The following ROBO2 variants were observed in gnomAD, a reference collection of about 807,000 sequenced individuals.
The protein encoded by ROBO2 is roundabout guidance receptor 2.
A neutral mutation model predicts 160.8 loss-of-function variants in ROBO2; 53 were observed. The observed-to-expected ratio is 0.33, with a 90% confidence interval of 0.26 to 0.41. ROBO2 has a LOEUF of 0.41. Among genes scored for constraint, ROBO2 ranks in the 10% least tolerant of loss-of-function variants. The probability of loss-of-function intolerance (pLI) is 1.00; values close to 1 mark genes in which losing one functional copy is unlikely to be tolerated. For synonymous variants in ROBO2, 664 were observed against 611.7 expected (o/e 1.09, Z -1.26); for missense variants, 1,577 against 1,722.4 (o/e 0.92, Z 1.49).
chr3:76,406,198 C>A lies in ROBO2; in HGVS notation c.109+468596C>A, dbSNP rs75926724. On this transcript the variant is annotated intron_variant, in intron 2 of 26. Coordinates refer to the ROBO2 transcript ENST00000487694. The stretch of plus-strand genomic sequence containing the variant: ...TTTTCCCTTTATTGTCAAGTTAGCA[C>A]CATATGAATTTTACTCTCAGTAAAA... Among the ~76,000 whole-genome samples, 66 of 151,756 alleles carry A rather than the reference C, an allele frequency of 4.3e-4. No homozygotes were observed. In the East Asian group the frequency reaches 9.1e-3, roughly 21 times the overall value.
At chr3:76,623,097 G>A (rs1337271154) in intron 2 of ROBO2, among the ~76,000 whole-genome samples, 1 of 151,938 alleles carries the variant, frequency 6.6e-6, no homozygotes, top group African/African-American at 2.4e-5. Context: ...AAGTAGTTAT[G>A]GCTTTTTCTA....
intron 2 of ROBO2, among the ~76,000 whole-genome samples, chr3:76,179,999 C>T (rs1878206): frequency 0.023 from 3,471 of 152,128 alleles, 233 homozygotes; most frequent in East Asian, 0.23. Flanking sequence ...TTATTTCGTC[C>T]GTGCCATTGC....
At chr3:76,676,382 G>A (rs971382446) in intron 2 of ROBO2, among the ~76,000 whole-genome samples, 1 of 150,924 alleles carries the variant, frequency 6.6e-6, no homozygotes, top group Admixed American at 6.6e-5. Context: ...AGTTTTCTGA[G>A]GCCTCCCTAG....
intron 2 of ROBO2, among the ~76,000 whole-genome samples, chr3:76,696,495 C>G (rs75186357): frequency 1.3e-5 from 2 of 151,822 alleles, no homozygotes; most frequent in African/African-American, 4.8e-5. Context: ...GTTTATATCC[C>G]GATCATTTAA....
At chr3:76,579,582 T>C (rs2085521053) in intron 2 of ROBO2, among the ~76,000 whole-genome samples, 1 of 151,742 alleles carries the variant, frequency 6.6e-6, no homozygotes, top group African/African-American at 2.4e-5. Context: ...TGAGAAAGAG[T>C]GAGATTTTAT....
chr3:77,013,861 C>A (rs1356917210), intron 2 of ROBO2, among the ~76,000 whole-genome samples: 2 of 152,204 alleles, frequency 1.3e-5, no homozygotes, highest in Non-Finnish European at 2.9e-5. Context: ...GATACACTTT[C>A]GTTTCTCCAT....
rs112268736 is a variant in ROBO2 at position 77,228,678 on chromosome 3, G to A, written c.388+130338G>A. ...GGTGCAGCAAACCAACATGGCACAT[G>A]TATACCTATGTAACAAACCTGCACG... On this transcript the variant is annotated intron_variant, in intron 2 of 25. Coordinates refer to ENST00000461745, the Ensembl canonical transcript of ROBO2. Among the ~76,000 whole-genome samples, 790 of 152,000 alleles carry A rather than the reference G, an allele frequency of 5.2e-3. 2 individuals are homozygous for A. Among genetic ancestry groups the A allele is most frequent in the Non-Finnish European group, 9.6e-3 (654 of 67,974 alleles).
At chr3:77,117,067 G>A (rs1334928139) in intron 2 of ROBO2, among the ~76,000 whole-genome samples, 2 of 152,248 alleles carry the variant, frequency 1.3e-5, no homozygotes, top group African/African-American at 4.8e-5. Flanking sequence ...CTATACTTGA[G>A]AATCTAAAAG....
At chr3:76,211,095 A>T (rs1703117831) in intron 2 of ROBO2, among the ~76,000 whole-genome samples, 1 of 152,004 alleles carries the variant, frequency 6.6e-6, no homozygotes, top group South Asian at 2.1e-4. Flanking sequence ...TTCCATCCAC[A>T]GTTATTTACT....
rs1049104782 is a variant in ROBO2 at position 76,279,243 on chromosome 3, A to G, written c.109+341641A>G. Among the ~76,000 whole-genome samples, 8 of 151,702 alleles carry G rather than the reference A, an allele frequency of 5.3e-5. No homozygotes were observed. In the Admixed American group the frequency reaches 5.3e-4, roughly 10 times the overall value. On this transcript the variant is annotated intron_variant, in intron 2 of 26. Coordinates refer to the ROBO2 transcript ENST00000487694. ...CCTGAAAGTCCCTATGTAATTAGAT[A>G]GATAAACTTTAGGTAAGATTTTTTT... is the stretch of plus-strand genomic sequence containing the variant.
chr3:76,286,666 A>G (rs1438181763), intron 2 of ROBO2, among the ~76,000 whole-genome samples: 1 of 152,026 alleles, frequency 6.6e-6, no homozygotes, highest in Admixed American at 6.6e-5. Flanking sequence ...TACAGTGAGG[A>G]CTATGTATGT....
chr3:76,304,714 CTCTT>C (rs775699448), intron 2 of ROBO2, among the ~76,000 whole-genome samples: 5,376 of 132,926 alleles, frequency 0.04, 339 homozygotes, highest in African/African-American at 0.13. Context: ...TATTTTCTTT[CTCTT>C]TCTTTCTTTC....
chr3:76,340,265 C>A (rs1440407006), intron 2 of ROBO2, among the ~76,000 whole-genome samples: 11 of 152,068 alleles, frequency 7.2e-5, no homozygotes, highest in African/African-American at 2.7e-4. Flanking sequence ...TGCTGGCAAG[C>A]TGTCCTTTTG....
At chr3:76,282,598 C>T (rs970963515) in intron 2 of ROBO2, among the ~76,000 whole-genome samples, 1 of 151,876 alleles carries the variant, frequency 6.6e-6, no homozygotes, top group Non-Finnish European at 1.5e-5. Context: ...CATTTTAAAA[C>T]TTTGTGCTGA....
At chr3:77,527,221 A>T (rs1018770497) in intron 6 of ROBO2, among the ~76,000 whole-genome samples, 182 bp from the exon 7 acceptor site, 4 of 151,534 alleles carry the variant, frequency 2.6e-5, no homozygotes, top group Non-Finnish European at 1.5e-5. Flanking sequence ...TCCTAGAATT[A>T]TATTTATAAC....
chr3:76,720,918 C>A (rs1279161589), intron 2 of ROBO2, among the ~76,000 whole-genome samples: 1 of 152,158 alleles, frequency 6.6e-6, no homozygotes, highest in Non-Finnish European at 1.5e-5. Flanking sequence ...TTACTAATTT[C>A]TTTTTGTCCA....
intron 2 of ROBO2, among the ~76,000 whole-genome samples, chr3:77,405,060 C>T (rs557954863): frequency 6.6e-6 from 1 of 152,262 alleles, no homozygotes; most frequent in African/African-American, 2.4e-5. Context: ...CTATGAGTTT[C>T]TTGGAAGCAG....
chr3:76,844,578 A>G (rs577854085), intron 2 of ROBO2, among the ~76,000 whole-genome samples: 14 of 152,050 alleles, frequency 9.2e-5, no homozygotes, highest in African/African-American at 3.4e-4. Context: ...TCCAAGCCTC[A>G]CTTATACACT....
chr3:76,023,364 A>G (rs538076243), intron 2 of ROBO2, among the ~76,000 whole-genome samples: 27 of 151,816 alleles, frequency 1.8e-4, no homozygotes, highest in African/African-American at 6.5e-4. Context: ...CATTAAGTTT[A>G]ATCATTTCCA....
Sources: allele counts gnomAD v4.1 joint callset (sites outside exome capture counted in the v4.1 genomes callset), GRCh38; gene constraint gnomAD v4.1.1; transcripts MANE v1.5; gene names NCBI Gene and HGNC (gene_info 2026-07-23, HGNC 2026-07-21).